CLTCL1: variants seen among roughly 807,000 people sequenced by gnomAD.
CLTCL1 encodes the protein clathrin heavy chain 2.
Under a neutral mutation model 190.0 loss-of-function variants are expected in CLTCL1, and 159 were observed. That is an observed-to-expected ratio of 0.84 (90% CI 0.74 to 0.95). The LOEUF is 0.95. CLTCL1 is among the 40% of genes least tolerant of loss of function. CLTCL1 has a pLI of 0.00. For synonymous variants in CLTCL1, 752 were observed against 769.6 expected (o/e 0.98, Z 0.38); for missense variants, 1,878 against 2,033.4 (o/e 0.92, Z 1.47).
At chr22:19,269,021 C>T (rs1431820082) in intron 2 of CLTCL1, among the ~76,000 whole-genome samples, 1 of 149,080 alleles carries the variant, frequency 6.7e-6, no homozygotes, top group African/African-American at 2.5e-5. Flanking sequence ...ACCCAGGAGG[C>T]AGAGGCTGCA....
intron 2 of CLTCL1, among the ~76,000 whole-genome samples, chr22:19,259,910 C>T (rs782502201): frequency 6.6e-6 from 1 of 152,144 alleles, no homozygotes; most frequent in Non-Finnish European, 1.5e-5. Flanking sequence ...CACCAGTTAG[C>T]CAACTTGTGA....
rs782131544 is a variant in CLTCL1 at position 19,180,213 on chromosome 22, T to C, written c.*6A>G. ...GGGACACTTACTTAGTGCAATCAGC[T>C]GGGTCTCATTCATGCCCATCAAAAT... is the stretch of plus-strand genomic sequence containing the variant. On this transcript the variant is annotated 3_prime_UTR_variant, in exon 32 of 33. Coordinates refer to ENST00000427926, the MANE Select transcript of CLTCL1 (RefSeq NM_007098.4). 4 of 1,613,652 alleles carry C rather than the reference T, an allele frequency of 2.5e-6. No individual in the cohort carries two copies. In the Admixed American group the frequency reaches 5.0e-5, roughly 20 times the overall value.
Position 19,222,697 on chromosome 22 carries a change from A to C in CLTCL1, c.2405T>G (p.Ile802Ser), listed in dbSNP as rs2085613525. The C allele has an allele frequency of 6.3e-7, 1 of 1,591,482 alleles. No homozygotes were observed. The highest frequency in any genetic ancestry group is 1.3e-5 in the African/African-American group (1 of 74,570). The change falls in exon 15 of 33, where the codon ATC becomes AGC. Residue 802 changes from isoleucine (I) to serine (S), a missense_variant. Ile to Ser is a moderately radical substitution (Grantham distance 142). Transcript: ENST00000427926. ...YRNNLQRYIE[I>S]YVQKVNPSRT... ...AGCCAGCAGTACCTTCTGCACGTAGATCTCAATGTACCTCTGCAGGTTGTT... is the reference window on the plus strand; with the variant it reads ...AGCCAGCAGTACCTTCTGCACGTAGCTCTCAATGTACCTCTGCAGGTTGTT...
chr22:19,213,206 T>C (rs2085287491), intron 19 of CLTCL1, among the ~76,000 whole-genome samples: 1 of 152,198 alleles, frequency 6.6e-6, no homozygotes, highest in African/African-American at 2.4e-5. Context: ...GGATGGTAAC[T>C]GAGCACATAA....
At chr22:19,193,064 C>T (rs1406629594) in intron 26 of CLTCL1, among the ~76,000 whole-genome samples, 3 of 152,204 alleles carry the variant, frequency 2.0e-5, no homozygotes, top group Non-Finnish European at 2.9e-5. Context: ...CTCAAAGCCC[C>T]ACCTGCTTCC....
At position 19,188,019 on chromosome 22, in the gene CLTCL1, C is replaced by T. The variant is rs782127093; in HGVS notation, c.4396G>A (p.Ala1466Thr). Residue 1466 changes from alanine (A) to threonine (T), a missense_variant, in exon 28 of 33, where the codon GCA (alanine) becomes ACA (threonine). Transcript: ENST00000427926. Reference sequence around the variant, plus strand: ...TCCTCTGTCAGCAGGTGGTTGAGTGCCTCATTCACACTCTTGTTGTTGTGG... The same window carrying T: ...TCCTCTGTCAGCAGGTGGTTGAGTGTCTCATTCACACTCTTGTTGTTGTGG... ...QSHNNKSVNE[A>T]LNHLLTEEED... 21 of 1,613,886 alleles carry T rather than the reference C, an allele frequency of 1.3e-5. No individual in the cohort carries two copies. In the African/African-American group the frequency reaches 2.8e-4, roughly 22 times the overall value.
Position 19,201,339 on chromosome 22 carries a change from G to A in CLTCL1, c.3755C>T (p.Thr1252Met), listed in dbSNP as rs782011269. 25 of 1,611,364 alleles carry A rather than the reference G, an allele frequency of 1.6e-5. No individual in the cohort carries two copies. The highest frequency in any genetic ancestry group is 1.7e-5 in the Admixed American group (1 of 59,668). ...TTGCCCGCAGCTCACCTCCTTCCAC[G>A]TCCGGGTGCTGCTGGCCTTGCGGCT... ...DNSRKASSTR[T>M]WKEVCFACMD... is the part of the protein sequence containing the mutation. The change falls in exon 23 of 33, where the codon ACG becomes ATG. Residue 1252 changes from threonine to methionine, a missense_variant. Thr to Met is a moderately conservative substitution (Grantham distance 81, BLOSUM62 -1). Coordinates refer to ENST00000427926, the MANE Select transcript of CLTCL1 (RefSeq NM_007098.4).
chr22:19,287,559 C>T (rs2087950868), intron 1 of CLTCL1, among the ~76,000 whole-genome samples: 1 of 152,154 alleles, frequency 6.6e-6, no homozygotes, highest in African/African-American at 2.4e-5. Context: ...AGCAGATGCT[C>T]ATCCTTGGAG....
intron 10 of CLTCL1, among the ~76,000 whole-genome samples, chr22:19,230,566 C>T (rs185998933): frequency 7.7e-4 from 118 of 152,268 alleles, no homozygotes; most frequent in African/African-American, 2.7e-3. Flanking sequence ...AACAACAACA[C>T]AATTCACGTA....
At chr22:19,282,022 T>A (rs1330315455) in intron 1 of CLTCL1, among the ~76,000 whole-genome samples, 2 of 152,166 alleles carry the variant, frequency 1.3e-5, no homozygotes, top group Admixed American at 6.5e-5. Flanking sequence ...AGTGCTATTC[T>A]GCATTCTTCA....
At position 19,233,448 on chromosome 22, in the gene CLTCL1, G is replaced by A. The variant is rs76099251; in HGVS notation, c.1342C>T (p.Leu448=). The part of the protein sequence containing the change: ...LVLQQGRKQL[L]EKWLKEDKLE... The stretch of plus-strand genomic sequence containing the variant: ...TTATCTTCTTTCAGCCACTTCTCTA[G>A]GAGTTGCTTACGCCCCTGCTGAAGA... The change falls in exon 8 of 33, where the codon CTA becomes TTA. Residue 448 remains leucine, a synonymous_variant. Coordinates refer to ENST00000427926, the MANE Select transcript of CLTCL1 (RefSeq NM_007098.4). 2.5e-6 allele frequency: 4 copies of A among 1,613,584 alleles called. No individual in the cohort carries two copies. The highest frequency in any genetic ancestry group is 1.7e-5 in the Admixed American group (1 of 59,912).
chr22:19,245,612 C>G (rs552537731), intron 3 of CLTCL1, among the ~76,000 whole-genome samples: 105 of 152,256 alleles, frequency 6.9e-4, no homozygotes, highest in Non-Finnish European at 1.3e-3. Context: ...ATCATAGTTC[C>G]AAAACATTTT....
At chr22:19,225,051 C>T (rs2145800693) in intron 13 of CLTCL1, among the ~76,000 whole-genome samples, 1 of 152,340 alleles carries the variant, frequency 6.6e-6, no homozygotes, top group South Asian at 2.1e-4. Context: ...CAAAGCAATG[C>T]ACCCTCTATC....
intron 22 of CLTCL1, among the ~76,000 whole-genome samples, chr22:19,202,882 C>T (rs1186150892): frequency 1.3e-5 from 2 of 152,228 alleles, no homozygotes; most frequent in African/African-American, 4.8e-5. Flanking sequence ...CCAAGGCCTG[C>T]TCCATGGATG....
At chr22:19,179,991 A>G (rs1021744983) in intron 32 of CLTCL1, 22 bp from the exon 33 acceptor site, 69 of 587,642 alleles carry the variant, frequency 1.2e-4, no homozygotes, top group African/African-American at 1.1e-3. Flanking sequence ...GAAGCCCACA[A>G]TGAGCAGAGC....
At chr22:19,259,806 T>C (rs1399401907) in intron 2 of CLTCL1, among the ~76,000 whole-genome samples, 4 of 152,232 alleles carry the variant, frequency 2.6e-5, no homozygotes, top group African/African-American at 7.2e-5. Context: ...GGAAGAGTCC[T>C]ACGTCTCTCA....
chr22:19,237,771 T>C (rs1292539905), intron 5 of CLTCL1, among the ~76,000 whole-genome samples: 2 of 152,214 alleles, frequency 1.3e-5, no homozygotes, highest in African/African-American at 4.8e-5. Context: ...GCAGCAAGGC[T>C]AGTGCAGAGC....
intron 11 of CLTCL1, among the ~76,000 whole-genome samples, chr22:19,227,501 A>G (rs1555956758): frequency 1.4e-5 from 2 of 139,692 alleles, no homozygotes; most frequent in Admixed American, 1.6e-4. Context: ...GCCAGGCTGC[A>G]ATGCAGTGGC....
At chr22:19,255,454 T>C (rs1224359731) in intron 2 of CLTCL1, among the ~76,000 whole-genome samples, 1 of 151,784 alleles carries the variant, frequency 6.6e-6, no homozygotes, top group Non-Finnish European at 1.5e-5. Context: ...TTCCAGCTAC[T>C]TGAGAGGCTG....
Sources: gnomAD v4.1 joint callset for allele counts (sites outside exome capture counted in the v4.1 genomes callset) on GRCh38, gnomAD v4.1.1 for gene constraint, MANE v1.5 for transcripts, NCBI Gene and HGNC (gene_info 2026-07-23, HGNC 2026-07-21) for gene names.